Variants in CSMD1 observed in about 807,000 individuals in gnomAD.
CSMD1 encodes the protein CUB and sushi domain-containing protein 1.
A neutral mutation model predicts 417.5 loss-of-function variants in CSMD1; 213 were observed. That is an observed-to-expected ratio of 0.51 (90% CI 0.46 to 0.57). CSMD1 has a LOEUF of 0.57. Among genes scored for constraint, CSMD1 ranks in the 20% least tolerant of loss-of-function variants. The pLI, the probability that CSMD1 is intolerant of heterozygous loss-of-function variation, is 0.00. For missense variants in CSMD1, 6,923 were observed against 4,529.7 expected, an observed-to-expected ratio of 1.53 and a Z score of -15.17; for synonymous variants, 2,862 against 1,736.8, an observed-to-expected ratio of 1.65 and a Z score of -16.11.
intron 3 of CSMD1, among the ~76,000 whole-genome samples, chr8:4,077,800 C>G (rs1455345608): frequency 2.2e-4 from 33 of 152,146 alleles, no homozygotes; most frequent in Admixed American, 2.2e-3. Context: ...AAGTTGTTCT[C>G]ACTCTGTTCC....
At chr8:3,535,292 T>C (rs548407181) in intron 10 of CSMD1, among the ~76,000 whole-genome samples, 1 of 152,232 alleles carries the variant, frequency 6.6e-6, no homozygotes, top group Admixed American at 6.5e-5. Flanking sequence ...GAAATAGTTA[T>C]TCAAGCTTTT....
chr8:4,084,157 G>A (rs1017298123), intron 3 of CSMD1, among the ~76,000 whole-genome samples: 2 of 152,044 alleles, frequency 1.3e-5, no homozygotes, highest in Non-Finnish European at 2.9e-5. Context: ...TATAAAAGCA[G>A]AATAATTAAA....
chr8:4,236,026 G>GCTTTTTTT (rs1420352173), intron 3 of CSMD1, among the ~76,000 whole-genome samples: 51 of 108,074 alleles, frequency 4.7e-4, no homozygotes, highest in Middle Eastern at 5.2e-3. Context: ...AATGGATATT[G>GCTTTTTTT]TTTTTTTTGT....
At chr8:4,426,441 G>C (rs1390371816) in intron 2 of CSMD1, among the ~76,000 whole-genome samples, 2 of 147,564 alleles carry the variant, frequency 1.4e-5, no homozygotes, top group African/African-American at 2.5e-5. Flanking sequence ...ATACTATATA[G>C]AGCATATATA....
chr8:3,343,991 G>C (rs1017531284), intron 22 of CSMD1, among the ~76,000 whole-genome samples: 1 of 152,142 alleles, frequency 6.6e-6, no homozygotes, highest in Non-Finnish European at 1.5e-5. Flanking sequence ...TGAAATAACA[G>C]AAGTATCTCA....
At chr8:3,191,494 T>A (rs1415554488) in intron 33 of CSMD1, among the ~76,000 whole-genome samples, 2 of 152,022 alleles carry the variant, frequency 1.3e-5, no homozygotes, top group African/African-American at 4.8e-5. Context: ...CCCCTCCAGT[T>A]CTCTCTTGAT....
chr8:4,342,205 CTGTGTGTGTGTGTGTG>C lies in CSMD1; in HGVS notation c.415+77732_415+77747del, dbSNP rs58235838. 9.3e-5 allele frequency among the ~76,000 whole-genome samples: 14 copies of C among 150,692 alleles called. No homozygotes were observed. In the East Asian group the frequency reaches 1.8e-3, roughly 19 times the overall value. Reference sequence around the variant, plus strand: ...TGCAAACTTGGCAGCAGTGCTGTGTCTGTGTGTGTGTGTGTGTGTGTGTGTGTCTGTGTGTGTGTGT... The same window carrying C: ...TGCAAACTTGGCAGCAGTGCTGTGTCTGTGTGTGTGTCTGTGTGTGTGTGT... On this transcript the variant is annotated intron_variant, in intron 3 of 69. Coordinates refer to ENST00000635120, the MANE Select transcript of CSMD1 (RefSeq NM_033225.6).
chr8:4,549,470 C>G (rs1482726085), intron 2 of CSMD1, among the ~76,000 whole-genome samples: 2 of 152,084 alleles, frequency 1.3e-5, no homozygotes, highest in Non-Finnish European at 2.9e-5. Context: ...AATAGGTTTC[C>G]ACTGATTCCC....
At chr8:3,179,010 C>G (rs1052581652) in intron 37 of CSMD1, among the ~76,000 whole-genome samples, 11 of 149,684 alleles carry the variant, frequency 7.3e-5, no homozygotes, top group Non-Finnish European at 1.3e-4. Flanking sequence ...TGCAGTGGCG[C>G]GATCTTGGCT....
chr8:3,594,411 A>T (rs1563182949), intron 8 of CSMD1, among the ~76,000 whole-genome samples: 1 of 150,764 alleles, frequency 6.6e-6, no homozygotes, highest in Non-Finnish European at 1.5e-5. Flanking sequence ...CATAGAATGT[A>T]TTTTTTTTTT....
intron 11 of CSMD1, among the ~76,000 whole-genome samples, chr8:3,471,303 C>T (rs558678884): frequency 6.6e-6 from 1 of 152,130 alleles, no homozygotes; most frequent in African/African-American, 2.4e-5. Context: ...CTCTTTTCCT[C>T]CTTTTAAATA....
intron 3 of CSMD1, among the ~76,000 whole-genome samples, chr8:4,206,585 T>G (rs185920163): frequency 1.5e-4 from 23 of 152,354 alleles, no homozygotes; most frequent in Middle Eastern, 3.4e-3. Flanking sequence ...CAGTCTATCA[T>G]TGATGGACAT....
intron 3 of CSMD1, among the ~76,000 whole-genome samples, chr8:4,041,161 C>G (rs1322225108): frequency 6.6e-6 from 1 of 151,566 alleles, no homozygotes; most frequent in Non-Finnish European, 1.5e-5. Context: ...GGACTACAGG[C>G]GCCCGCCACC....
In CSMD1 at chr8:3,504,299, G is replaced by C. The variant is rs150291317; in HGVS notation, c.1345-10573C>G. On this transcript the variant is annotated intron_variant, in intron 10 of 69. Coordinates refer to ENST00000635120, the MANE Select transcript of CSMD1 (RefSeq NM_033225.6). ...CAAGTACAATCACACTGACAAAAGA[G>C]AGAGTCTGGGCTTTGCTGCTTACTC... Among the ~76,000 whole-genome samples the C allele has an allele frequency of 1.0e-3, 158 of 152,212 alleles. 1 individual carries two copies. Among genetic ancestry groups the C allele is most frequent in the African/African-American group, 3.6e-3 (149 of 41,524 alleles).
intron 3 of CSMD1, among the ~76,000 whole-genome samples, chr8:4,191,925 A>G (rs893734975): frequency 6.6e-6 from 1 of 152,198 alleles, no homozygotes; most frequent in Non-Finnish European, 1.5e-5. Flanking sequence ...CATTAGCACA[A>G]TTCAGCTCCC....
At chr8:3,300,633 C>T (rs139064476) in intron 25 of CSMD1, among the ~76,000 whole-genome samples, 1 of 152,004 alleles carries the variant, frequency 6.6e-6, no homozygotes, top group African/African-American at 2.4e-5. Context: ...ACTTACAAGA[C>T]TACTTGTCAC....
At chr8:3,618,488 C>G (rs1802256004) in intron 7 of CSMD1, among the ~76,000 whole-genome samples, 1 of 151,642 alleles carries the variant, frequency 6.6e-6, no homozygotes, top group Non-Finnish European at 1.5e-5. Context: ...TTAATAACAT[C>G]TAAACATTAT....
chr8:4,447,406 G>T (rs989408528), intron 2 of CSMD1, among the ~76,000 whole-genome samples: 1 of 152,158 alleles, frequency 6.6e-6, no homozygotes, highest in Non-Finnish European at 1.5e-5. Context: ...GGGAAAGGAA[G>T]CCTGAAGTGG....
chr8:4,101,424 T>C (rs1015686587), intron 3 of CSMD1, among the ~76,000 whole-genome samples: 6 of 152,148 alleles, frequency 3.9e-5, no homozygotes, highest in Non-Finnish European at 8.8e-5. Flanking sequence ...AATATTTTCA[T>C]TGGCTGCACA....
Sources: gnomAD v4.1 joint callset for allele counts (sites outside exome capture counted in the v4.1 genomes callset) on GRCh38, gnomAD v4.1.1 for gene constraint, MANE v1.5 for transcripts, NCBI Gene and HGNC (gene_info 2026-07-23, HGNC 2026-07-21) for gene names.